Variants in ANKS1B observed in about 807,000 individuals in gnomAD.
ANKS1B encodes ankyrin repeat and sterile alpha motif domain containing 1B, also known as ankyrin repeat and sterile alpha motif domain-containing protein 1B.
Under a neutral mutation model 148.3 loss-of-function variants are expected in ANKS1B, and 36 were observed. The ratio of observed to expected loss-of-function variants is 0.24; its 90% confidence interval spans 0.19 to 0.32. The LOEUF is 0.32. Among genes scored for constraint, ANKS1B ranks in the 10% least tolerant of loss-of-function variants. ANKS1B has a pLI of 1.00. For synonymous variants in ANKS1B, 542 were observed against 560.8 expected (o/e 0.97, Z 0.47); for missense variants, 1,157 against 1,542.6 (o/e 0.75, Z 4.19).
At chr12:99,209,775 C>T (rs769049187) in intron 14 of ANKS1B, among the ~76,000 whole-genome samples, 1 of 152,280 alleles carries the variant, frequency 6.6e-6, no homozygotes, top group African/African-American at 2.4e-5. Context: ...AGGACATCAG[C>T]CTAATGGCTA....
chr12:99,013,476 C>T (rs546885451), intron 17 of ANKS1B, among the ~76,000 whole-genome samples: 1 of 152,178 alleles, frequency 6.6e-6, no homozygotes, highest in South Asian at 2.1e-4. Context: ...CCTCTCTTAC[C>T]ACTCCTATTC....
At chr12:98,839,562 G>A (rs1416570495) in intron 17 of ANKS1B, among the ~76,000 whole-genome samples, 5 of 152,010 alleles carry the variant, frequency 3.3e-5, no homozygotes, top group Admixed American at 2.6e-4. Context: ...TCTCTTTTAA[G>A]TATAACAGAA....
chr12:99,196,232 C>T (rs2081366831), intron 14 of ANKS1B, among the ~76,000 whole-genome samples: 1 of 152,186 alleles, frequency 6.6e-6, no homozygotes, highest in African/African-American at 2.4e-5. Flanking sequence ...AAAGTACCTA[C>T]TGTAGTCTCC....
In ANKS1B at chr12:99,125,148, G is replaced by A. The variant is rs78617940; in HGVS notation, c.2526+29141C>T. On this transcript the variant is annotated intron_variant, in intron 15 of 26. Coordinates refer to ENST00000683438, the MANE Select transcript of ANKS1B (RefSeq NM_001352186.2). ...CTGATGAGGATAATCGACAGAGAGG[G>A]GAAAATTGATGATGTGCGTGAGAGC... Among the ~76,000 whole-genome samples the A allele has an allele frequency of 9.0e-3, 1,366 of 152,178 alleles. 22 individuals carry two copies. Among genetic ancestry groups the A allele is most frequent in the African/African-American group, 0.031 (1,293 of 41,498 alleles).
intron 25 of ANKS1B, among the ~76,000 whole-genome samples, chr12:98,758,088 A>G (rs1447498302): frequency 3.3e-5 from 5 of 152,208 alleles, no homozygotes; most frequent in Non-Finnish European, 5.9e-5. Context: ...AATGGCTAAT[A>G]ATATTATTTA....
At chr12:99,497,618 C>A (rs1346931852) in intron 10 of ANKS1B, among the ~76,000 whole-genome samples, 1 of 152,122 alleles carries the variant, frequency 6.6e-6, no homozygotes, top group East Asian at 1.9e-4. Flanking sequence ...AATAAGGATA[C>A]TGGTCATATT....
chr12:98,951,548 G>A (rs1350355851), intron 17 of ANKS1B, among the ~76,000 whole-genome samples: 4 of 152,058 alleles, frequency 2.6e-5, no homozygotes, highest in African/African-American at 9.7e-5. Flanking sequence ...ACAGAATATA[G>A]CCCTGACTCG....
At chr12:99,207,293 GT>G (rs2082788590) in intron 14 of ANKS1B, among the ~76,000 whole-genome samples, 1 of 152,122 alleles carries the variant, frequency 6.6e-6, no homozygotes. Context: ...AATGTAAATG[GT>G]ATAAAAGTTT....
chr12:99,550,675 AC>A (rs2097209908), intron 9 of ANKS1B, among the ~76,000 whole-genome samples: 1 of 152,124 alleles, frequency 6.6e-6, no homozygotes, highest in South Asian at 2.1e-4. Flanking sequence ...TTTATTTTTA[AC>A]AATCACCACA....
At chr12:99,926,109 T>C (rs1032467721) in intron 1 of ANKS1B, among the ~76,000 whole-genome samples, 5 of 152,222 alleles carry the variant, frequency 3.3e-5, no homozygotes, top group South Asian at 2.1e-4. Context: ...ATTTTGGATA[T>C]AGTAAGAATG....
chr12:99,342,256 A>G (rs903444025), intron 12 of ANKS1B, among the ~76,000 whole-genome samples: 1 of 152,058 alleles, frequency 6.6e-6, no homozygotes, highest in Non-Finnish European at 1.5e-5. Context: ...GCAAAGAAAG[A>G]TTTCCTAGGG....
chr12:98,760,823 A>G (rs2098388861), intron 25 of ANKS1B, among the ~76,000 whole-genome samples: 1 of 152,226 alleles, frequency 6.6e-6, no homozygotes, highest in African/African-American at 2.4e-5. Context: ...TTACGTGGAT[A>G]TTAACTTATA....
At chr12:98,820,063 AGGT>A (rs2099170934) in intron 19 of ANKS1B, among the ~76,000 whole-genome samples, 1 of 152,236 alleles carries the variant, frequency 6.6e-6, no homozygotes, top group South Asian at 2.1e-4. Flanking sequence ...CATTTACATA[AGGT>A]ATTAGATATT....
chr12:98,894,541 C>A (rs1170090621), intron 17 of ANKS1B: 1 of 981,546 alleles, frequency 1.0e-6, no homozygotes, highest in Non-Finnish European at 1.2e-6. Context: ...GCTTCCTCCG[C>A]CTCTGCCCCG....
At chr12:99,348,403 T>C (rs2091011395) in intron 12 of ANKS1B, among the ~76,000 whole-genome samples, 1 of 151,562 alleles carries the variant, frequency 6.6e-6, no homozygotes, top group Non-Finnish European at 1.5e-5. Context: ...AAAAACTAGC[T>C]ACTTCCCCAA....
intron 17 of ANKS1B, among the ~76,000 whole-genome samples, chr12:99,041,052 T>G (rs1333093064): frequency 6.6e-6 from 1 of 152,192 alleles, no homozygotes; most frequent in Non-Finnish European, 1.5e-5. Context: ...GACCTGTACT[T>G]GGCAGCCATC....
At chr12:99,855,016 A>T (rs2088743130) in intron 1 of ANKS1B, among the ~76,000 whole-genome samples, 1 of 152,160 alleles carries the variant, frequency 6.6e-6, no homozygotes, top group African/African-American at 2.4e-5. Context: ...TATTCAGGCA[A>T]CAAATAGCAT....
chr12:99,645,618 T>C (rs948700203), intron 9 of ANKS1B, among the ~76,000 whole-genome samples: 1 of 152,186 alleles, frequency 6.6e-6, no homozygotes, highest in African/African-American at 2.4e-5. Flanking sequence ...ACTAACTATA[T>C]AGAAATCTGA....
chr12:99,668,185 A>G (rs1293592501), intron 8 of ANKS1B, among the ~76,000 whole-genome samples: 1 of 152,068 alleles, frequency 6.6e-6, no homozygotes, highest in Non-Finnish European at 1.5e-5. Flanking sequence ...TAGATTTTAT[A>G]TTTCTTCTTG....
Sources: allele counts gnomAD v4.1 joint callset (sites outside exome capture counted in the v4.1 genomes callset), GRCh38; gene constraint gnomAD v4.1.1; transcripts MANE v1.5; gene names NCBI Gene and HGNC (gene_info 2026-07-23, HGNC 2026-07-21).